The following SYTL2 variants were observed in gnomAD, a reference collection of about 807,000 sequenced individuals.
The protein encoded by SYTL2 is synaptotagmin-like protein 2.
A neutral mutation model predicts 198.7 loss-of-function variants in SYTL2; 165 were observed. The ratio of observed to expected loss-of-function variants is 0.83; its 90% CI spans 0.73 to 0.94. The LOEUF (loss-of-function observed/expected upper bound fraction) is 0.94. Among genes scored for constraint, SYTL2 ranks in the 40% least tolerant of loss-of-function variants. SYTL2 has a pLI of 0.00. For synonymous variants in SYTL2, 966 were observed against 917.7 expected (o/e 1.05, Z -0.95); for missense variants, 2,835 against 2,582.8 (o/e 1.10, Z -2.12).
intron 1 of SYTL2, among the ~76,000 whole-genome samples, chr11:85,783,681 A>G (rs1436094614): frequency 6.6e-6 from 1 of 152,212 alleles, no homozygotes; most frequent in Non-Finnish European, 1.5e-5. Flanking sequence ...ACAGATAAGA[A>G]AACAGGTTTA....
At chr11:85,736,752 T>C in intron 5 of SYTL2, 137 bp from the exon 6 acceptor site, 1 of 621,626 alleles carries the variant, frequency 1.6e-6, no homozygotes, top group South Asian at 1.9e-5. Context: ...AAAACAGTTG[T>C]CCTGATTAAT....
At chr11:85,752,963 C>G (rs2091632096) in intron 2 of SYTL2, among the ~76,000 whole-genome samples, 2 of 99,402 alleles carry the variant, frequency 2.0e-5, no homozygotes, top group East Asian at 3.4e-4. Flanking sequence ...ACAACTAGGT[C>G]TAAGGAGGCA....
In SYTL2 at chr11:85,808,159, C is replaced by T. The variant is rs181266183; in HGVS notation, c.-390+2795G>A. ...TCAGCTCACTGCAACCTCCGCCTCC[C>T]GGGTTCAAGAGATTCTCCTGCCTTA... is the stretch of plus-strand genomic sequence containing the variant. On this transcript the variant is annotated intron_variant, in intron 1 of 19. Coordinates refer to ENST00000359152, the MANE Select transcript of SYTL2 (RefSeq NM_206927.4). Among the ~76,000 whole-genome samples, 397 of 152,196 alleles carry T rather than the reference C, an allele frequency of 2.6e-3. 1 individual carries two copies. The highest frequency in any genetic ancestry group is 8.9e-3 in the African/African-American group (370 of 41,504).
chr11:85,842,019 C>A, the SYTL2 span, among the ~76,000 whole-genome samples: 5 of 152,072 alleles, frequency 3.3e-5, no homozygotes. Flanking sequence ...TATCTCTGAC[C>A]ACCTTTTACA....
At chr11:85,733,378 T>C (rs1023949698) in intron 7 of SYTL2, among the ~76,000 whole-genome samples, 4 of 152,142 alleles carry the variant, frequency 2.6e-5, no homozygotes, top group African/African-American at 7.2e-5. Context: ...GATATGGTTA[T>C]ATATATTTTA....
chr11:85,798,062 T>C (rs975054290), intron 1 of SYTL2, among the ~76,000 whole-genome samples: 10 of 151,700 alleles, frequency 6.6e-5, no homozygotes, highest in Non-Finnish European at 1.5e-4. Context: ...TTTCACCATG[T>C]TGGCCAGACT....
In SYTL2 at chr11:85,726,468, G is replaced by C; in HGVS notation, c.2890C>G (p.Leu964Val). The C allele has an allele frequency of 1.9e-6, 3 of 1,612,212 alleles. No homozygotes were observed. Among genetic ancestry groups the C allele is most frequent in the Non-Finnish European group, 2.5e-6 (3 of 1,179,964 alleles). The change falls in exon 8 of 20, where the codon CTA becomes GTA. Residue 964 changes from leucine to valine, a missense_variant. This residue lies in a region of SYTL2 where 2,645 missense variants were observed against 2,381.7 expected (regional missense o/e 1.11). Transcript: ENST00000359152. Reference sequence around the variant, plus strand: ...TTGGGTTCATCCATTCTTTCTTTTAGGGACATAACTTTAAAGTTGGCATTT... The same window carrying C: ...TTGGGTTCATCCATTCTTTCTTTTACGGACATAACTTTAAAGTTGGCATTT... ...ESNANFKVMS[L>V]KERMDEPNAE...
At chr11:85,779,316 A>G (rs1368391173) in intron 1 of SYTL2, among the ~76,000 whole-genome samples, 2 of 152,194 alleles carry the variant, frequency 1.3e-5, no homozygotes, top group East Asian at 3.9e-4. Context: ...GCAGGATTAC[A>G]TGTGAAGTTA....
the SYTL2 span, among the ~76,000 whole-genome samples, chr11:85,838,325 G>T: frequency 5.3e-5 from 8 of 152,158 alleles, no homozygotes; most frequent in Non-Finnish European, 1.2e-4. Context: ...TCCATATTTT[G>T]CGTTACACAA....
the SYTL2 span, among the ~76,000 whole-genome samples, chr11:85,828,220 A>T: frequency 6.6e-6 from 1 of 152,220 alleles, no homozygotes; most frequent in African/African-American, 2.4e-5. Context: ...TATCTGGCAG[A>T]AAAATGAACT....
intron 2 of SYTL2, among the ~76,000 whole-genome samples, chr11:85,753,330 A>G (rs570322888): frequency 2.0e-5 from 3 of 152,276 alleles, no homozygotes; most frequent in Admixed American, 2.0e-4. Context: ...ATGTCTCCAC[A>G]TGGGAGTTAG....
intron 9 of SYTL2, among the ~76,000 whole-genome samples, chr11:85,720,075 TTA>T (rs539292544): frequency 2.8e-4 from 43 of 152,274 alleles, no homozygotes; most frequent in Non-Finnish European, 4.4e-4. Flanking sequence ...TCTTTATATA[TTA>T]TGTTTTCTGC....
At chr11:85,702,191 ATT>A (rs35728321) in intron 16 of SYTL2, among the ~76,000 whole-genome samples, 19 of 141,974 alleles carry the variant, frequency 1.3e-4, no homozygotes, top group East Asian at 2.1e-4. Flanking sequence ...TAGTGGGTCT[ATT>A]TTTTTTTTTT....
chr11:85,775,323 G>C (rs1312871791), intron 1 of SYTL2, among the ~76,000 whole-genome samples: 1 of 152,056 alleles, frequency 6.6e-6, no homozygotes, highest in Admixed American at 6.5e-5. Flanking sequence ...CTAAGACCTG[G>C]TTCCTGTTGT....
chr11:85,710,590 A>AT (rs1329560695), intron 13 of SYTL2, among the ~76,000 whole-genome samples: 1 of 152,214 alleles, frequency 6.6e-6, no homozygotes, highest in African/African-American at 2.4e-5. Flanking sequence ...GTAAAGTCAA[A>AT]TTAGTTAGAT....
At chr11:85,833,011 A>AAAGAAAGAAAG in the SYTL2 span, among the ~76,000 whole-genome samples, 2 of 48,150 alleles carry the variant, frequency 4.2e-5, no homozygotes, top group Non-Finnish European at 7.8e-5. Flanking sequence ...AAAAAGAAAG[A>AAAGAAAGAAAG]AAAGAAAGAA....
intron 8 of SYTL2, among the ~76,000 whole-genome samples, chr11:85,722,972 G>A (rs939142256): frequency 2.0e-5 from 3 of 152,058 alleles, no homozygotes; most frequent in Non-Finnish European, 4.4e-5. Context: ...TCACTGGAAC[G>A]AAAAGGAGCT....
At chr11:85,838,382 GGT>G in the SYTL2 span, among the ~76,000 whole-genome samples, 1 of 152,140 alleles carries the variant, frequency 6.6e-6, no homozygotes. Context: ...TATAGACATA[GGT>G]GTATGTATTA....
At chr11:85,846,448 GAC>G in the SYTL2 span, among the ~76,000 whole-genome samples, 3 of 151,934 alleles carry the variant, frequency 2.0e-5, no homozygotes, top group Admixed American at 2.0e-4. Context: ...GTTTTTTTGA[GAC>G]AGAGTTTTGC....
Sources: allele counts gnomAD v4.1 joint callset (sites outside exome capture counted in the v4.1 genomes callset), GRCh38; gene constraint gnomAD v4.1.1; regional missense constraint gnomAD v4.1.1; transcripts MANE v1.5; gene names NCBI Gene and HGNC (gene_info 2026-07-23, HGNC 2026-07-21).